The following IREB2 variants were observed in gnomAD, a reference collection of about 807,000 sequenced individuals.
IREB2 encodes iron-responsive element-binding protein 2.
IREB2 carries 39 observed loss-of-function variants against 118.8 expected under a neutral mutation model. The ratio of observed to expected loss-of-function variants is 0.33; its 90% CI spans 0.25 to 0.43. The LOEUF is 0.43. Ranked by LOEUF, IREB2 falls within the 20% of genes least tolerant of loss-of-function variation. The pLI is 1.00. For synonymous variants in IREB2, 372 were observed against 392.2 expected (o/e 0.95, Z 0.61); for missense variants, 900 against 1,147.3 (o/e 0.78, Z 3.11).
At chr15:78,470,276 GT>G (rs1566976711) in intron 5 of IREB2, among the ~76,000 whole-genome samples, 1 of 152,280 alleles carries the variant, frequency 6.6e-6, no homozygotes, top group East Asian at 1.9e-4. Context: ...CTTGAGTACA[GT>G]TTTGGACATT....
At chr15:78,493,833 A>C in intron 18 of IREB2, 76 bp from the exon 19 acceptor site, 2 of 1,404,546 alleles carry the variant, frequency 1.4e-6, no homozygotes, top group Non-Finnish European at 1.9e-6. Flanking sequence ...AAAATTTTTC[A>C]ATAGGTCTTA....
At chr15:78,442,291 A>T (rs1006228392) in intron 2 of IREB2, among the ~76,000 whole-genome samples, 1 of 152,210 alleles carries the variant, frequency 6.6e-6, no homozygotes, top group African/African-American at 2.4e-5. Context: ...TGAAGAATTG[A>T]CTTTGAAAGA....
At chr15:78,478,081 T>TAA (rs531329014) in intron 9 of IREB2, among the ~76,000 whole-genome samples, 25 of 126,550 alleles carry the variant, frequency 2.0e-4, no homozygotes, top group African/African-American at 4.3e-4. Context: ...AAAACATTTG[T>TAA]AAAAAAAAAA....
Position 78,473,231 on chromosome 15 carries a change from T to C in IREB2, c.884-11T>C, listed in dbSNP as rs766316806. 5.6e-6 allele frequency: 9 copies of C among 1,612,118 alleles called. No individual in the cohort carries two copies. The highest frequency in any genetic ancestry group is 3.3e-5 in the Admixed American group (2 of 59,752). ...TATACTGTGCTAATATACCTGTCTT[T>C]ATTACGTTAGGGGTTGGAGGCATTG... On this transcript the variant is annotated splice_polypyrimidine_tract_variant and intron_variant, in intron 7 of 21. Transcript: ENST00000258886.
At chr15:78,447,780 C>T (rs535768411) in intron 2 of IREB2, among the ~76,000 whole-genome samples, 1 of 152,082 alleles carries the variant, frequency 6.6e-6, no homozygotes, top group Non-Finnish European at 1.5e-5. Flanking sequence ...TCTCTTGGTT[C>T]TTTTTTGTTT....
intron 2 of IREB2, among the ~76,000 whole-genome samples, chr15:78,448,317 A>G (rs997086509): frequency 4.0e-5 from 6 of 151,888 alleles, no homozygotes; most frequent in Admixed American, 6.6e-5. Context: ...GCTGATTTCT[A>G]TATTTTTAGT....
intron 18 of IREB2, among the ~76,000 whole-genome samples, chr15:78,493,183 A>G (rs2051780043): frequency 6.7e-6 from 1 of 149,202 alleles, no homozygotes; most frequent in Non-Finnish European, 1.5e-5. Context: ...AGAAAACTAT[A>G]CAAGTAACTT....
chr15:78,497,897 A>G (rs2051864606), intron 21 of IREB2, 136 bp from the exon 22 acceptor site: 1 of 576,860 alleles, frequency 1.7e-6, no homozygotes, highest in East Asian at 3.0e-5. Context: ...TCAGAATATA[A>G]GAAATTAGAA....
intron 11 of IREB2, 128 bp from the exon 12 acceptor site, chr15:78,484,633 C>T (rs978087600): frequency 6.6e-5 from 42 of 636,746 alleles, no homozygotes; most frequent in Non-Finnish European, 8.8e-5. Flanking sequence ...GGGCCTTTAG[C>T]ATCACTCACA....
Position 78,498,163 on chromosome 15 carries a change from C to T in IREB2, c.*20C>T, listed in dbSNP as rs770639064. On this transcript the variant is annotated 3_prime_UTR_variant, in exon 22 of 22. Transcript: ENST00000258886. Reference sequence around the variant, plus strand: ...TCATAGTATCTACTTACCATAGATACCTTTCATAACTGGTAACTGCAAAGC... The same window carrying T: ...TCATAGTATCTACTTACCATAGATATCTTTCATAACTGGTAACTGCAAAGC... 7.4e-7 allele frequency: 1 copy of T among 1,344,088 alleles called. No homozygotes were observed. Among genetic ancestry groups the T allele is most frequent in the Non-Finnish European group, 1.1e-6 (1 of 934,856 alleles). 83.3% of individuals were successfully genotyped at this position (1,344,088 alleles called of 1,614,324 possible). A position where few individuals can be genotyped will look rare whatever the true frequency, so the allele number is the denominator to read the frequency against.
chr15:78,490,363 C>T (rs1259887821), intron 16 of IREB2, 59 bp from the exon 17 acceptor site: 5 of 1,090,534 alleles, frequency 4.6e-6, no homozygotes, highest in East Asian at 2.4e-5. Flanking sequence ...TTTCATGCGC[C>T]TCTTTTTCTG....
chr15:78,475,948 C>T (rs1308237669), intron 8 of IREB2: 1 of 321,828 alleles, frequency 3.1e-6, no homozygotes, highest in Non-Finnish European at 5.6e-6. Flanking sequence ...ATTATAGCCA[C>T]CTTGAGCTTT....
At chr15:78,472,736 G>A (rs1003419595) in intron 7 of IREB2, among the ~76,000 whole-genome samples, 1 of 152,156 alleles carries the variant, frequency 6.6e-6, no homozygotes, top group Non-Finnish European at 1.5e-5. Flanking sequence ...TCTGCCGACC[G>A]TGACTTTGTT....
At position 78,488,216 on chromosome 15, in the gene IREB2, A is replaced by C; in HGVS notation, c.1831A>C (p.Lys611Gln). 6.2e-7 allele frequency: 1 copy of C among 1,609,844 alleles called. No homozygotes were observed. The highest frequency in any genetic ancestry group is 8.5e-7 in the Non-Finnish European group (1 of 1,178,842). The change falls in exon 15 of 22, where the codon AAA becomes CAA. Residue 611 changes from lysine (K) to glutamine (Q), a missense_variant. Lys to Gln is a moderately conservative substitution (Grantham distance 53). Coordinates refer to ENST00000258886, the MANE Select transcript of IREB2 (RefSeq NM_004136.4). ...TACCTGTGGAATTTTATCTGGAAAC[A>C]AAAATTTTGAAGGTCGTCTTTGTGA... ...LVTCGILSGN[K>Q]NFEGRLCDCV... is the part of the protein sequence containing the mutation.
At chr15:78,463,782 G>A (rs545683061) in intron 3 of IREB2, among the ~76,000 whole-genome samples, 6 of 152,156 alleles carry the variant, frequency 3.9e-5, no homozygotes, top group South Asian at 2.1e-4. Context: ...GGGCTCAAGC[G>A]ATCCTCCTGC....
Position 78,495,057 on chromosome 15 carries a change from T to C in IREB2, c.2595+793T>C, listed in dbSNP as rs575721746. 5.3e-5 allele frequency among the ~76,000 whole-genome samples: 8 copies of C among 152,248 alleles called. No homozygotes were observed. In the South Asian group the frequency reaches 1.7e-3, roughly 32 times the overall value. ...GACTGTTTCCTTGTTGCAGAGCAAA[T>C]AGGCCATCTGCTGGGGGGGAATAGT... On this transcript the variant is annotated intron_variant, in intron 20 of 21. Coordinates refer to ENST00000258886, the MANE Select transcript of IREB2 (RefSeq NM_004136.4).
intron 10 of IREB2, among the ~76,000 whole-genome samples, chr15:78,479,106 A>G (rs2051523070): frequency 6.6e-6 from 1 of 151,656 alleles, no homozygotes; most frequent in Admixed American, 6.6e-5. Context: ...TTTTAATATT[A>G]CTATTTTTTT....
chr15:78,486,373 G>C (rs1387424114), intron 13 of IREB2, among the ~76,000 whole-genome samples: 1 of 152,142 alleles, frequency 6.6e-6, no homozygotes, highest in Non-Finnish European at 1.5e-5. Context: ...TGGGGAGGCC[G>C]AGGCAGGCAA....
At chr15:78,477,171 A>G (rs1006291744) in intron 9 of IREB2, among the ~76,000 whole-genome samples, 1 of 152,204 alleles carries the variant, frequency 6.6e-6, no homozygotes, top group African/African-American at 2.4e-5. Context: ...CAAAGTAGAA[A>G]TGGTTAGAAG....
Sources: allele counts gnomAD v4.1 joint callset (sites outside exome capture counted in the v4.1 genomes callset), GRCh38; gene constraint gnomAD v4.1.1; transcripts MANE v1.5; gene names NCBI Gene and HGNC (gene_info 2026-07-23, HGNC 2026-07-21).